The following IL1RL1 variants were observed in gnomAD, a reference collection of about 807,000 sequenced individuals.
IL1RL1 encodes interleukin 1 receptor like 1, also known as interleukin-1 receptor-like 1.
Under a neutral mutation model 50.9 loss-of-function variants are expected in IL1RL1, and 32 were observed. The ratio of observed to expected loss-of-function variants is 0.63; its 90% CI spans 0.47 to 0.84. The LOEUF is 0.84. Ranked by LOEUF, IL1RL1 falls within the 40% of genes least tolerant of loss-of-function variation. IL1RL1 has a pLI of 0.00. For synonymous variants in IL1RL1, 275 were observed against 236.0 expected, an observed-to-expected ratio of 1.17 and a Z score of -1.51; for missense variants, 773 against 662.9, an observed-to-expected ratio of 1.17 and a Z score of -1.82.
At chr2:102,331,040 A>C (rs1353973859) in intron 1 of IL1RL1, among the ~76,000 whole-genome samples, 1 of 152,208 alleles carries the variant, frequency 6.6e-6, no homozygotes, top group Non-Finnish European at 1.5e-5. Context: ...TTAATCAAAC[A>C]TCAATTTACT....
chr2:102,332,862 A>G (rs1677213696), intron 1 of IL1RL1, among the ~76,000 whole-genome samples: 2 of 152,210 alleles, frequency 1.3e-5, no homozygotes, highest in African/African-American at 2.4e-5. Flanking sequence ...AGAACAGAAA[A>G]TTGAGTAGTT....
chr2:102,342,598 C>T (rs1050750333), intron 6 of IL1RL1, among the ~76,000 whole-genome samples: 2 of 152,164 alleles, frequency 1.3e-5, no homozygotes, highest in Non-Finnish European at 2.9e-5. Flanking sequence ...GGTGTTCATT[C>T]TGGGCAATGG....
chr2:102,324,758 C>G (rs1455424092), intron 1 of IL1RL1, among the ~76,000 whole-genome samples: 1 of 152,190 alleles, frequency 6.6e-6, no homozygotes, highest in African/African-American at 2.4e-5. Flanking sequence ...TCGTTGCTAG[C>G]AGAGCAGTCT....
intron 1 of IL1RL1, among the ~76,000 whole-genome samples, chr2:102,333,134 G>T (rs1677219771): frequency 6.6e-6 from 1 of 152,078 alleles, no homozygotes; most frequent in South Asian, 2.1e-4. Flanking sequence ...GACTTTGGAG[G>T]CCCCCTTGAT....
intron 1 of IL1RL1, among the ~76,000 whole-genome samples, chr2:102,324,534 G>A (rs936341193): frequency 1.3e-5 from 2 of 152,342 alleles, no homozygotes; most frequent in East Asian, 3.9e-4. Flanking sequence ...CACTGAGCGT[G>A]AGCCAAAGCA....
At chr2:102,330,936 T>C (rs1337965212) in intron 1 of IL1RL1, among the ~76,000 whole-genome samples, 6 of 152,230 alleles carry the variant, frequency 3.9e-5, no homozygotes, top group African/African-American at 1.4e-4. Flanking sequence ...TTTTTCTGTA[T>C]AATATGAGGT....
rs768625208 is a variant in IL1RL1, at chr2:102,340,685, G to A, written c.467G>A (p.Gly156Glu). 3.1e-6 allele frequency: 5 copies of A among 1,593,046 alleles called. No individual in the cohort carries two copies. The highest frequency in any genetic ancestry group is 4.3e-6 in the Non-Finnish European group (5 of 1,174,378). The change falls in exon 5 of 11, where the codon GGA becomes GAA. Residue 156 changes from glycine (G) to glutamate (E), a missense_variant. Physicochemically the swap from Gly to Glu is moderately conservative, Grantham distance 98 (BLOSUM62 -2). Coordinates refer to ENST00000233954, the MANE Select transcript of IL1RL1 (RefSeq NM_016232.5). ...TTTCAGAATTGTCAGGCTCTTCAAG[G>A]ATCAAGGTACAGGGCGCACAAGTCA... ...EWFKNCQALQGSRYRAHKSFL... is the reference protein window; with the variant it reads ...EWFKNCQALQESRYRAHKSFL...
chr2:102,341,114 A>G, intron 5 of IL1RL1: 1 of 920,718 alleles, frequency 1.1e-6, no homozygotes, highest in South Asian at 3.3e-5. Context: ...TCTGAATGCT[A>G]ACTTAACTTA....
At chr2:102,343,233 C>A in intron 7 of IL1RL1, 37 bp from the exon 8 acceptor site, 2 of 1,613,966 alleles carry the variant, frequency 1.2e-6, no homozygotes, top group Non-Finnish European at 1.7e-6. Context: ...TTTGCACCTG[C>A]AAAGTAGGCA....
intron 8 of IL1RL1, 89 bp from the exon 9 acceptor site, chr2:102,347,856 T>C: frequency 4.1e-6 from 3 of 730,448 alleles, no homozygotes; most frequent in Non-Finnish European, 6.8e-6. Context: ...GTGAAATTCT[T>C]GTACTCCCAA....
chr2:102,312,927 C>CTCCGATTTCCTT (rs1676560722), intron 1 of IL1RL1: 1 of 152,096 alleles, frequency 6.6e-6, no homozygotes, highest in Admixed American at 6.5e-5. Context: ...AAATCGGAGG[C>CTCCGATTTCCTT]ATGTTTCTGT....
intron 8 of IL1RL1, chr2:102,345,444 A>G (rs941514671): frequency 2.4e-5 from 24 of 985,368 alleles, no homozygotes; most frequent in Non-Finnish European, 2.8e-5. Flanking sequence ...GGGCTGTACA[A>G]TCATGTAGAA....
chr2:102,324,389 A>T (rs867263790), intron 1 of IL1RL1, among the ~76,000 whole-genome samples: 1 of 152,158 alleles, frequency 6.6e-6, no homozygotes, highest in Non-Finnish European at 1.5e-5. Context: ...AGATGGCCAA[A>T]TAGGAACAGC....
At chr2:102,339,956 G>A (rs1677477069) in intron 3 of IL1RL1, 142 bp from the exon 4 acceptor site, 1 of 454,046 alleles carries the variant, frequency 2.2e-6, no homozygotes, top group Admixed American at 4.2e-5. Context: ...AGATTTTAAT[G>A]TTTATTTTTA....
At position 102,342,993 on chromosome 2, in the gene IL1RL1, G is replaced by T. The variant is rs201461361; in HGVS notation, c.683-43G>T. ...CATTAAATGGGATAAAATGCCAGTC[G>T]CAGAAGTTAATTTTATTGGTGAATG... On this transcript the variant is annotated intron_variant, in intron 6 of 10. Coordinates refer to ENST00000233954, the MANE Select transcript of IL1RL1 (RefSeq NM_016232.5). The T allele has an allele frequency of 5.0e-6, 8 of 1,587,134 alleles. No homozygotes were observed. The African/African-American group carries it at 8.2e-5, about 16-fold the overall frequency.
chr2:102,325,602 G>A (rs1676974152), intron 1 of IL1RL1, among the ~76,000 whole-genome samples: 1 of 151,864 alleles, frequency 6.6e-6, no homozygotes, highest in African/African-American at 2.4e-5. Context: ...TAAAAACCTT[G>A]AAAAAAAATT....
At chr2:102,342,898 A>G (rs1677625432) in intron 6 of IL1RL1, 138 bp from the exon 7 acceptor site, 7 of 751,320 alleles carry the variant, frequency 9.3e-6, no homozygotes, top group Non-Finnish European at 1.3e-5. Flanking sequence ...AGAAAGAGGA[A>G]GGTGCTAGAG....
intron 1 of IL1RL1, chr2:102,313,441 G>A (rs1434468405): frequency 6.6e-6 from 1 of 152,166 alleles, no homozygotes. Context: ...GTTTAGGTGA[G>A]GAGATTGATT....
At chr2:102,345,446 CA>C in intron 8 of IL1RL1, 1 of 985,238 alleles carries the variant, frequency 1.0e-6, no homozygotes, top group Non-Finnish European at 1.2e-6. Context: ...GCTGTACAAT[CA>C]TGTAGAAATT....
Sources: allele counts gnomAD v4.1 joint callset (sites outside exome capture counted in the v4.1 genomes callset), GRCh38; gene constraint gnomAD v4.1.1; transcripts MANE v1.5; gene names NCBI Gene and HGNC (gene_info 2026-07-23, HGNC 2026-07-21).